Variants in DPP6 observed in about 807,000 individuals in gnomAD.
DPP6 encodes A-type potassium channel modulatory protein DPP6.
Under a neutral mutation model 122.6 loss-of-function variants are expected in DPP6, and 69 were observed. The observed-to-expected ratio is 0.56, with a 90% CI of 0.46 to 0.69. The LOEUF is 0.69. DPP6 is among the 30% of genes least tolerant of loss of function. The pLI is 0.00. For missense variants in DPP6, 928 were observed against 1,116.9 expected (o/e 0.83, Z 2.41); for synonymous variants, 418 against 433.1 (o/e 0.97, Z 0.43).
At chr7:154,090,987 G>A (rs1372707359) in intron 1 of DPP6, among the ~76,000 whole-genome samples, 1 of 151,196 alleles carries the variant, frequency 6.6e-6, no homozygotes, top group Non-Finnish European at 1.5e-5. Context: ...CAGGCGTGGT[G>A]GCGGGTGCCT....
At chr7:154,757,544 G>A (rs10224977) in intron 8 of DPP6, among the ~76,000 whole-genome samples, 5,322 of 152,296 alleles carry the variant, frequency 0.035, 325 homozygotes, top group African/African-American at 0.12. Flanking sequence ...CCTTCGTACG[G>A]TGCCTGTCTG....
At chr7:153,914,763 T>A (rs571124652) in intron 1 of DPP6, among the ~76,000 whole-genome samples, 3 of 152,178 alleles carry the variant, frequency 2.0e-5, no homozygotes, top group Non-Finnish European at 4.4e-5. Flanking sequence ...GCCTTTGTTC[T>A]TTATTCCACA....
chr7:153,966,554 C>CTTTTTTTTTT (rs753840054), intron 1 of DPP6, among the ~76,000 whole-genome samples: 2 of 41,356 alleles, frequency 4.8e-5, no homozygotes, highest in African/African-American at 1.3e-4. Flanking sequence ...CCTGTGTTGG[C>CTTTTTTTTTT]TTTTTTTTTT....
chr7:154,551,549 G>A (rs777740670), intron 4 of DPP6, among the ~76,000 whole-genome samples: 4 of 152,004 alleles, frequency 2.6e-5, no homozygotes, highest in Non-Finnish European at 4.4e-5. Context: ...GTGGAAGATC[G>A]GGATCATAAA....
chr7:153,930,129 T>G (rs1801105985), intron 1 of DPP6, among the ~76,000 whole-genome samples: 1 of 152,238 alleles, frequency 6.6e-6, no homozygotes. Context: ...ATGAAACCAC[T>G]GCCATTTCTT....
At position 154,222,875 on chromosome 7, in the gene DPP6, G is replaced by A. The variant is rs1800385598; in HGVS notation, c.243+169812G>A. ...GGAACTCCAATGGTGTGATTGGCAGGAGCAGAGATGCCACAGCCTTTCAGG... is the reference window on the plus strand; with the variant it reads ...GGAACTCCAATGGTGTGATTGGCAGAAGCAGAGATGCCACAGCCTTTCAGG... On this transcript the variant is annotated intron_variant, in intron 1 of 25. Transcript: ENST00000377770. Among the ~76,000 whole-genome samples the A allele has an allele frequency of 2.7e-5, 4 of 148,848 alleles. 1 individual carries two copies. The highest frequency in any genetic ancestry group is 5.1e-5 in the African/African-American group (2 of 38,888).
upstream of DPP6, among the ~76,000 whole-genome samples, chr7:153,886,853 C>T (rs1162904083): frequency 1.3e-5 from 2 of 152,168 alleles, no homozygotes; most frequent in Non-Finnish European, 1.5e-5. Flanking sequence ...CCCGGCCTCT[C>T]CCTTCTCTCG....
chr7:153,899,175 TCTC>T lies in DPP6; in HGVS notation c.51+11445_51+11447del, dbSNP rs1188639861. ...TATTTATCCTCCTCCTCTTCTTCCT[TCTC>T]CTCTTCCTCTTCCTTCTCCTCCTCC... On this transcript the variant is annotated intron_variant, in intron 1 of 25. Coordinates refer to the DPP6 transcript ENST00000404039. Among the ~76,000 whole-genome samples the T allele has an allele frequency of 2.7e-5, 4 of 150,548 alleles. No homozygotes were observed. The East Asian group carries it at 5.8e-4, about 22-fold the overall frequency.
At chr7:154,555,453 C>CTA (rs1829951030) in intron 4 of DPP6, among the ~76,000 whole-genome samples, 2 of 151,854 alleles carry the variant, frequency 1.3e-5, no homozygotes, top group Non-Finnish European at 2.9e-5. Context: ...ACATCACACA[C>CTA]CGGCGACTGT....
chr7:154,134,694 T>C (rs2150643425), intron 1 of DPP6, among the ~76,000 whole-genome samples: 1 of 152,324 alleles, frequency 6.6e-6, no homozygotes, highest in Middle Eastern at 3.4e-3. Context: ...GTATACTTCC[T>C]TTGAGCGTAC....
At chr7:154,063,620 G>C (rs1178519075) in intron 1 of DPP6, among the ~76,000 whole-genome samples, 6 of 125,284 alleles carry the variant, frequency 4.8e-5, no homozygotes, top group Admixed American at 8.1e-5. Context: ...CACCCCCCAC[G>C]AGGCAGGGAC....
chr7:153,961,674 C>A (rs1207562506), intron 1 of DPP6, among the ~76,000 whole-genome samples: 1 of 151,356 alleles, frequency 6.6e-6, no homozygotes, highest in South Asian at 2.1e-4. Flanking sequence ...TGTACAACTC[C>A]CCATAATATA....
intron 1 of DPP6, among the ~76,000 whole-genome samples, chr7:154,312,915 GAT>G (rs1475484017): frequency 6.6e-6 from 1 of 152,154 alleles, no homozygotes; most frequent in Non-Finnish European, 1.5e-5. Flanking sequence ...GAATAGTAAT[GAT>G]ATATGTTTCC....
chr7:154,341,357 T>C (rs73729115), intron 1 of DPP6, among the ~76,000 whole-genome samples: 1,727 of 152,180 alleles, frequency 0.011, 30 homozygotes, highest in African/African-American at 0.04. Context: ...GGTGGTTATG[T>C]AGGACTCAGG....
At chr7:154,623,547 C>T (rs1834834732) in intron 5 of DPP6, among the ~76,000 whole-genome samples, 1 of 151,528 alleles carries the variant, frequency 6.6e-6, no homozygotes, top group African/African-American at 2.4e-5. Context: ...AACACACACA[C>T]ACGCACACAC....
intron 1 of DPP6, among the ~76,000 whole-genome samples, chr7:153,970,603 C>G (rs1795973712): frequency 6.6e-6 from 1 of 152,040 alleles, no homozygotes; most frequent in Non-Finnish European, 1.5e-5. Context: ...TTGTTTGTTT[C>G]TAGAAATTTT....
At chr7:154,538,412 G>A (rs1283181462) in intron 3 of DPP6, among the ~76,000 whole-genome samples, 1 of 152,012 alleles carries the variant, frequency 6.6e-6, no homozygotes, top group Non-Finnish European at 1.5e-5. Context: ...CCTGCAACAG[G>A]CCCCAGTGTA....
Position 154,197,565 on chromosome 7 carries a change from C to T in DPP6, c.243+144502C>T, listed in dbSNP as rs148662544. 6.3e-3 allele frequency among the ~76,000 whole-genome samples: 959 copies of T among 152,258 alleles called. 11 individuals carry two copies. The highest frequency in any genetic ancestry group is 0.022 in the African/African-American group (907 of 41,552). ...TAGTCCAGCTTGGAAGAACATCCAG[C>T]GCCTTCCCTGAAATTCATCTGTTCT... On this transcript the variant is annotated intron_variant, in intron 1 of 25. Coordinates refer to ENST00000377770, the MANE Select transcript of DPP6 (RefSeq NM_130797.4).
intron 5 of DPP6, among the ~76,000 whole-genome samples, chr7:154,579,917 G>A (rs1345544742): frequency 6.6e-6 from 1 of 152,068 alleles, no homozygotes; most frequent in Non-Finnish European, 1.5e-5. Flanking sequence ...GCTAACCTCC[G>A]TGCACACCCT....
Sources: allele counts gnomAD v4.1 joint callset (sites outside exome capture counted in the v4.1 genomes callset), GRCh38; gene constraint gnomAD v4.1.1; transcripts MANE v1.5; gene names NCBI Gene and HGNC (gene_info 2026-07-23, HGNC 2026-07-21).